JAZF1: variants seen among roughly 807,000 people sequenced by gnomAD.
The protein encoded by JAZF1 is JAZF zinc finger 1.
JAZF1 carries 8 observed loss-of-function variants against 26.4 expected under a neutral mutation model. The ratio of observed to expected loss-of-function variants is 0.30; its 90% CI spans 0.18 to 0.55. The LOEUF is 0.55. Ranked by LOEUF, JAZF1 falls within the 20% of genes least tolerant of loss-of-function variation. JAZF1 has a pLI of 0.94. For synonymous variants in JAZF1, 126 were observed against 122.3 expected (o/e 1.03, Z -0.20); for missense variants, 199 against 322.0 (o/e 0.62, Z 2.92).
intron 2 of JAZF1, among the ~76,000 whole-genome samples, chr7:27,976,899 A>G (rs1290546614): frequency 6.6e-6 from 1 of 152,204 alleles, no homozygotes; most frequent in Non-Finnish European, 1.5e-5. Flanking sequence ...GAGGTTTTGG[A>G]GTGGGAAGAA....
At chr7:27,837,324 G>C (rs1333115540) in intron 4 of JAZF1, among the ~76,000 whole-genome samples, 11 of 152,234 alleles carry the variant, frequency 7.2e-5, no homozygotes, top group Admixed American at 7.2e-4. Flanking sequence ...CATGAGCAGG[G>C]CAAGGGTGGT....
At chr7:27,852,470 G>C (rs887328773) in intron 3 of JAZF1, among the ~76,000 whole-genome samples, 1 of 152,058 alleles carries the variant, frequency 6.6e-6, no homozygotes, top group African/African-American at 2.4e-5. Flanking sequence ...CTAATTACTA[G>C]GGTCATTTGA....
In JAZF1 at chr7:27,869,384, C is replaced by A. The variant is rs144571832; in HGVS notation, c.385+25836G>T. Among the ~76,000 whole-genome samples the A allele has an allele frequency of 7.7e-3, 1,172 of 152,276 alleles. 18 individuals carry two copies. The highest frequency in any genetic ancestry group is 0.026 in the African/African-American group (1,099 of 41,550). The stretch of plus-strand genomic sequence containing the variant: ...TAGGTTCTGCCTGAACTACGGGTGG[C>A]CAGTTTGGATAGTAGTTTCCATTGT... On this transcript the variant is annotated intron_variant, in intron 3 of 4. Coordinates refer to ENST00000283928, the MANE Select transcript of JAZF1 (RefSeq NM_175061.4).
intron 2 of JAZF1, among the ~76,000 whole-genome samples, chr7:27,942,239 A>G (rs1784858245): frequency 6.6e-6 from 1 of 152,242 alleles, no homozygotes; most frequent in Non-Finnish European, 1.5e-5. Context: ...ACCTTGCACA[A>G]TGTCTTATGC....
intron 1 of JAZF1, among the ~76,000 whole-genome samples, chr7:28,119,304 G>A (rs112579073): frequency 1.4e-3 from 217 of 152,236 alleles, no homozygotes; most frequent in Middle Eastern, 0.01. Flanking sequence ...TCATATCTAA[G>A]TATCTAAAAC....
At chr7:28,017,332 C>T (rs1423032762) in intron 1 of JAZF1, among the ~76,000 whole-genome samples, 5 of 137,680 alleles carry the variant, frequency 3.6e-5, no homozygotes, top group Non-Finnish European at 7.6e-5. Context: ...GCCTAGGCGA[C>T]AGTGAGACTC....
intron 2 of JAZF1, among the ~76,000 whole-genome samples, chr7:27,989,424 T>G (rs985806707): frequency 1.3e-5 from 2 of 151,326 alleles, no homozygotes; most frequent in African/African-American, 4.9e-5. Flanking sequence ...GCAACAAAAG[T>G]CAAAAATGGG....
chr7:28,092,273 A>G (rs1281338067), intron 1 of JAZF1, among the ~76,000 whole-genome samples: 1 of 128,054 alleles, frequency 7.8e-6, no homozygotes, highest in African/African-American at 2.9e-5. Flanking sequence ...CTAACATCCC[A>G]TTTCAGGGAC....
chr7:28,055,614 A>G (rs940294158), intron 1 of JAZF1, among the ~76,000 whole-genome samples: 6 of 152,218 alleles, frequency 3.9e-5, no homozygotes, highest in Non-Finnish European at 8.8e-5. Context: ...ATAATTAATA[A>G]TGTTTTAATA....
chr7:27,897,861 A>AC (rs1784097769), intron 2 of JAZF1, among the ~76,000 whole-genome samples: 1 of 152,086 alleles, frequency 6.6e-6, no homozygotes. Flanking sequence ...CTCTGAACAG[A>AC]CCCAGTGCCC....
At chr7:27,847,545 C>T (rs10951182) in intron 3 of JAZF1, among the ~76,000 whole-genome samples, 46,183 of 152,014 alleles carry the variant, frequency 0.3, 7,428 homozygotes, top group Middle Eastern at 0.34. Context: ...ACTATCCTTT[C>T]CCCATTGTGT....
intron 4 of JAZF1, 144 bp from the exon 5 acceptor site, chr7:27,833,120 T>C (rs1782740141): frequency 1.9e-6 from 1 of 538,232 alleles, no homozygotes; most frequent in Non-Finnish European, 3.2e-6. Flanking sequence ...GTTGGGACCC[T>C]TCAAGGACAT....
intron 2 of JAZF1, among the ~76,000 whole-genome samples, chr7:27,940,665 AG>A (rs1164820390): frequency 6.6e-6 from 1 of 152,152 alleles, no homozygotes; most frequent in Non-Finnish European, 1.5e-5. Flanking sequence ...ACTTGGGTGG[AG>A]GCGGCCTGGG....
At chr7:28,084,951 G>T (rs894990441) in intron 1 of JAZF1, among the ~76,000 whole-genome samples, 76 of 152,156 alleles carry the variant, frequency 5.0e-4, no homozygotes, top group African/African-American at 1.7e-3. Flanking sequence ...AGAAGATGAG[G>T]CAGAGAGACC....
chr7:28,135,718 A>G (rs562798454), intron 1 of JAZF1, among the ~76,000 whole-genome samples: 246 of 152,312 alleles, frequency 1.6e-3, no homozygotes, highest in African/African-American at 5.6e-3. Flanking sequence ...ACTATAAAAT[A>G]CCTCTTAAAA....
intron 2 of JAZF1, among the ~76,000 whole-genome samples, chr7:27,966,533 G>A (rs1030934902): frequency 2.6e-5 from 4 of 152,138 alleles, no homozygotes; most frequent in African/African-American, 9.7e-5. Flanking sequence ...GTCCAGGAAG[G>A]GAAGGGCACT....
intron 1 of JAZF1, among the ~76,000 whole-genome samples, chr7:28,035,949 G>T (rs2128375982): frequency 6.6e-6 from 1 of 152,308 alleles, no homozygotes; most frequent in African/African-American, 2.4e-5. Context: ...AGTGGAAGAA[G>T]ATATATTTGT....
intron 1 of JAZF1, among the ~76,000 whole-genome samples, chr7:28,147,970 A>G (rs1054309691): frequency 6.6e-6 from 1 of 152,110 alleles, no homozygotes; most frequent in Non-Finnish European, 1.5e-5. Context: ...CACTCTTTAC[A>G]TTTTGGTAAA....
intron 2 of JAZF1, among the ~76,000 whole-genome samples, chr7:27,937,698 T>C (rs1784779920): frequency 6.6e-6 from 1 of 152,176 alleles, no homozygotes; most frequent in Non-Finnish European, 1.5e-5. Context: ...AGAATCAATA[T>C]GCTATGAAAA....
Sources: gnomAD v4.1 joint callset for allele counts (sites outside exome capture counted in the v4.1 genomes callset) on GRCh38, gnomAD v4.1.1 for gene constraint, MANE v1.5 for transcripts, NCBI Gene and HGNC (gene_info 2026-07-23, HGNC 2026-07-21) for gene names.